Variants in CROT observed in about 807,000 individuals in gnomAD.
CROT encodes peroxisomal carnitine O-octanoyltransferase.
In CROT, 84 loss-of-function variants were observed where a neutral mutation model predicts 89.2. The observed-to-expected ratio is 0.94, with a 90% CI of 0.79 to 1.13. CROT has a LOEUF of 1.13. CROT is among the 50% of genes most tolerant of loss of function. The pLI, the probability that CROT is intolerant of heterozygous loss-of-function variation, is 0.00. For missense variants in CROT, 711 were observed against 727.8 expected (o/e 0.98, Z 0.27); for synonymous variants, 212 against 239.5 (o/e 0.89, Z 1.06).
At chr7:87,369,547 A>T in intron 7 of CROT, 63 bp downstream of exon 7, 1 of 1,004,090 alleles carries the variant, frequency 1.0e-6, no homozygotes, top group South Asian at 2.1e-5. Context: ...TAAAATATAC[A>T]TGTTTAGAAT....
chr7:87,389,490 G>A (rs1807288855), intron 13 of CROT, among the ~76,000 whole-genome samples: 1 of 152,080 alleles, frequency 6.6e-6, no homozygotes, highest in Non-Finnish European at 1.5e-5. Context: ...GGATGAAGCT[G>A]GAAACCATCA....
intron 17 of CROT, among the ~76,000 whole-genome samples, chr7:87,393,769 T>G (rs1807441059): frequency 6.6e-6 from 1 of 152,100 alleles, no homozygotes; most frequent in Non-Finnish European, 1.5e-5. Flanking sequence ...ATGTGAAAAA[T>G]TGGAATAGTA....
At chr7:87,375,992 T>G in intron 9 of CROT, 39 bp downstream of exon 9, 1 of 1,525,830 alleles carries the variant, frequency 6.6e-7, no homozygotes, top group Non-Finnish European at 8.8e-7. Flanking sequence ...TATTGCAGAT[T>G]TTTCTGGAAG....
chr7:87,360,376 T>C (rs892792000), intron 4 of CROT, among the ~76,000 whole-genome samples: 2 of 152,250 alleles, frequency 1.3e-5, no homozygotes, highest in African/African-American at 2.4e-5. Context: ...AGTCTTGCTC[T>C]GTTGCCCAGG....
At chr7:87,394,833 G>T (rs1807474568) in intron 17 of CROT, among the ~76,000 whole-genome samples, 1 of 152,138 alleles carries the variant, frequency 6.6e-6, no homozygotes, top group Non-Finnish European at 1.5e-5. Flanking sequence ...AGGATAGTTT[G>T]ATAATTTTAG....
chr7:87,398,146 A>G (rs1225673507), intron 17 of CROT, among the ~76,000 whole-genome samples: 1 of 151,168 alleles, frequency 6.6e-6, no homozygotes, highest in Non-Finnish European at 1.5e-5. Flanking sequence ...CTTTAAAAAC[A>G]GTTTAAATTT....
At chr7:87,359,051 T>C (rs6956320) in intron 3 of CROT, among the ~76,000 whole-genome samples, 155 bp from the exon 4 acceptor site, 2,119 of 152,324 alleles carry the variant, frequency 0.014, 49 homozygotes, top group African/African-American at 0.048. Flanking sequence ...GCCACTTTCA[T>C]GTTGTCAACT....
At position 87,346,031 on chromosome 7, in the gene CROT, C is replaced by A. The variant is rs558121230; in HGVS notation, c.-113+264C>A. 1.6e-3 allele frequency among the ~76,000 whole-genome samples: 241 copies of A among 152,210 alleles called. 1 individual carries two copies. The highest frequency in any genetic ancestry group is 4.0e-3 in the African/African-American group (166 of 41,554). ...GGGAAGAGCCTCCGAGCTCTCATTG[C>A]CCTCTGCTCCTGCTTCTACCCCTTG... On this transcript the variant is annotated intron_variant, in intron 1 of 17. Coordinates refer to ENST00000331536, the MANE Select transcript of CROT (RefSeq NM_021151.4).
intron 4 of CROT, 185 bp downstream of exon 4, chr7:87,359,515 T>TA: frequency 2.2e-6 from 3 of 1,347,762 alleles, no homozygotes; most frequent in Non-Finnish European, 2.9e-6. Flanking sequence ...GGGAACTTGT[T>TA]AAAATGCAGA....
In CROT at chr7:87,373,837, G is replaced by A. The variant is rs189104536; in HGVS notation, c.657-1795G>A. 9.7e-4 allele frequency among the ~76,000 whole-genome samples: 148 copies of A among 152,082 alleles called. 1 individual carries two copies. The highest frequency in any genetic ancestry group is 3.5e-3 in the African/African-American group (146 of 41,528). ...ATTCAGCAGTGTAAGGAGAACAAAT[G>A]GTCAATGAAAAAGACTTCAGTGACG... On this transcript the variant is annotated intron_variant, in intron 7 of 17. Coordinates refer to ENST00000331536, the MANE Select transcript of CROT (RefSeq NM_021151.4).
Position 87,367,716 on chromosome 7 carries a change from C to T in CROT, c.548-1660C>T, listed in dbSNP as rs539798592. Among the ~76,000 whole-genome samples, 12 of 152,130 alleles carry T rather than the reference C, an allele frequency of 7.9e-5. No individual in the cohort carries two copies. In the South Asian group the frequency reaches 2.3e-3, roughly 29 times the overall value. The stretch of plus-strand genomic sequence containing the variant: ...TCAAGAAACTTGCTTTTGCATTATC[C>T]TCTCTCTCTGCTGCTTATCAGTTTT... On this transcript the variant is annotated intron_variant, in intron 6 of 17. Transcript: ENST00000331536.
chr7:87,349,405 G>C (rs1396205761), intron 3 of CROT, among the ~76,000 whole-genome samples: 1 of 152,102 alleles, frequency 6.6e-6, no homozygotes, highest in Non-Finnish European at 1.5e-5. Context: ...AAAGCAAGCA[G>C]ACTGTCTTTA....
chr7:87,380,476 G>A (rs922237316), intron 10 of CROT, among the ~76,000 whole-genome samples: 1 of 61,202 alleles, frequency 1.6e-5, no homozygotes, highest in Non-Finnish European at 4.7e-5. Context: ...GGGAAATGAG[G>A]CAGTTTAATT....
At chr7:87,389,609 C>T (rs1807296034) in intron 13 of CROT, among the ~76,000 whole-genome samples, 1 of 151,506 alleles carries the variant, frequency 6.6e-6, no homozygotes, top group Admixed American at 6.6e-5. Flanking sequence ...ACATCACACA[C>T]CGGGGGCTGT....
At chr7:87,357,645 G>A (rs763343286) in intron 3 of CROT, 36 of 744,894 alleles carry the variant, frequency 4.8e-5, no homozygotes, top group Admixed American at 1.2e-4. Flanking sequence ...ACTCCATTGC[G>A]GAGTAGAGCG....
intron 13 of CROT, among the ~76,000 whole-genome samples, chr7:87,388,453 G>C (rs1807251434): frequency 6.6e-6 from 1 of 152,042 alleles, no homozygotes; most frequent in Non-Finnish European, 1.5e-5. Flanking sequence ...ACAGAACAGA[G>C]GCCTTAGAAA....
intron 3 of CROT, among the ~76,000 whole-genome samples, chr7:87,356,111 G>A (rs941912409): frequency 6.6e-6 from 1 of 152,172 alleles, no homozygotes; most frequent in Non-Finnish European, 1.5e-5. Flanking sequence ...CTCCTGAGTA[G>A]CTGAGACTGC....
At chr7:87,359,887 C>T in intron 4 of CROT, 5 of 985,834 alleles carry the variant, frequency 5.1e-6, no homozygotes, top group Non-Finnish European at 6.0e-6. Context: ...CATTTCTGTA[C>T]TTCTCTACTA....
chr7:87,386,660 G>A (rs1027452627), intron 13 of CROT, among the ~76,000 whole-genome samples: 1 of 152,170 alleles, frequency 6.6e-6, no homozygotes, highest in Non-Finnish European at 1.5e-5. Flanking sequence ...TGGAGTGTCT[G>A]CAACGAAAGG....
Sources: gnomAD v4.1 joint callset for allele counts (sites outside exome capture counted in the v4.1 genomes callset) on GRCh38, gnomAD v4.1.1 for gene constraint, MANE v1.5 for transcripts, NCBI Gene and HGNC (gene_info 2026-07-23, HGNC 2026-07-21) for gene names.